The following GUCY1A2 variants were observed in gnomAD, a reference collection of about 807,000 sequenced individuals.
GUCY1A2 encodes the protein guanylate cyclase 1 soluble subunit alpha 2.
GUCY1A2 carries 27 observed loss-of-function variants against 63.5 expected under a neutral mutation model. The observed-to-expected ratio is 0.43, with a 90% CI of 0.31 to 0.59. The LOEUF (loss-of-function observed/expected upper bound fraction) is 0.59. Ranked by LOEUF, GUCY1A2 falls within the 20% of genes least tolerant of loss-of-function variation. The probability of loss-of-function intolerance (pLI) is 0.11; values close to 1 mark genes in which losing one functional copy is unlikely to be tolerated. For synonymous variants in GUCY1A2, 364 were observed against 343.5 expected (o/e 1.06, Z -0.66); for missense variants, 768 against 913.3 (o/e 0.84, Z 2.05).
intron 7 of GUCY1A2, among the ~76,000 whole-genome samples, chr11:106,690,195 A>G (rs2135335099): frequency 6.6e-6 from 1 of 152,350 alleles, no homozygotes; most frequent in South Asian, 2.1e-4. Flanking sequence ...AATATAAATC[A>G]TTCCATTATA....
chr11:106,845,235 T>C (rs1185837318), intron 4 of GUCY1A2, among the ~76,000 whole-genome samples: 10 of 151,486 alleles, frequency 6.6e-5, no homozygotes, highest in Admixed American at 6.6e-4. Flanking sequence ...TGTTTTCTTC[T>C]TAATTAAAAT....
intron 4 of GUCY1A2, among the ~76,000 whole-genome samples, chr11:106,843,611 ATACTT>A (rs1343546760): frequency 2.6e-5 from 4 of 151,910 alleles, no homozygotes; most frequent in Non-Finnish European, 4.4e-5. Flanking sequence ...TTTCTATACT[ATACTT>A]TATTGATAAA....
At chr11:106,941,253 C>T (rs1860749047) in intron 3 of GUCY1A2, among the ~76,000 whole-genome samples, 2 of 152,122 alleles carry the variant, frequency 1.3e-5, no homozygotes, top group South Asian at 4.1e-4. Flanking sequence ...AAGAGTTCCA[C>T]CTTATAGTGC....
intron 4 of GUCY1A2, among the ~76,000 whole-genome samples, chr11:106,894,215 A>T (rs564589389): frequency 5.3e-4 from 80 of 152,330 alleles, no homozygotes; most frequent in African/African-American, 1.8e-3. Context: ...GAGGGTCATT[A>T]CATAATGATA....
chr11:106,793,517 A>C (rs1864699696), intron 5 of GUCY1A2, among the ~76,000 whole-genome samples: 1 of 152,098 alleles, frequency 6.6e-6, no homozygotes, highest in Admixed American at 6.6e-5. Flanking sequence ...TCAGACTAAA[A>C]ATATTCTGCA....
intron 5 of GUCY1A2, among the ~76,000 whole-genome samples, chr11:106,800,149 A>T (rs1864847204): frequency 6.6e-6 from 1 of 152,332 alleles, no homozygotes; most frequent in Admixed American, 6.5e-5. Flanking sequence ...GCTTATCATC[A>T]CTGGCCATCA....
At chr11:106,918,465 C>A (rs1353443209) in intron 4 of GUCY1A2, among the ~76,000 whole-genome samples, 1 of 145,246 alleles carries the variant, frequency 6.9e-6, no homozygotes, top group Non-Finnish European at 1.5e-5. Context: ...AAGGAGACAA[C>A]AGAACTCAAA....
At chr11:106,910,979 A>T (rs1860285959) in intron 4 of GUCY1A2, among the ~76,000 whole-genome samples, 1 of 152,030 alleles carries the variant, frequency 6.6e-6, no homozygotes, top group Non-Finnish European at 1.5e-5. Flanking sequence ...ATGAAAACTA[A>T]CATTTCCTCC....
chr11:106,941,399 G>A (rs1435664382), intron 3 of GUCY1A2, among the ~76,000 whole-genome samples: 1 of 152,256 alleles, frequency 6.6e-6, no homozygotes, highest in Non-Finnish European at 1.5e-5. Context: ...TGCCAAAGAG[G>A]ACTATAACAC....
chr11:106,711,509 T>C (rs1392152989), intron 6 of GUCY1A2, among the ~76,000 whole-genome samples: 1 of 152,184 alleles, frequency 6.6e-6, no homozygotes, highest in Non-Finnish European at 1.5e-5. Flanking sequence ...GGCTGCTCTA[T>C]TCCCCTCAGT....
chr11:106,736,036 C>G (rs189930818), intron 6 of GUCY1A2, among the ~76,000 whole-genome samples: 1 of 152,080 alleles, frequency 6.6e-6, no homozygotes, highest in East Asian at 1.9e-4. Context: ...TTTTTAATCC[C>G]TTGTCAGATA....
intron 3 of GUCY1A2, among the ~76,000 whole-genome samples, chr11:106,971,219 ATGTGTGTGTGTG>A (rs67190015): frequency 1.3e-5 from 2 of 149,162 alleles, no homozygotes; most frequent in Non-Finnish European, 3.0e-5. Flanking sequence ...ACAAATTTAA[ATGTGTGTGTGTG>A]TGTGTGTGTG....
At chr11:106,866,217 T>C (rs1252323589) in intron 4 of GUCY1A2, among the ~76,000 whole-genome samples, 1 of 151,616 alleles carries the variant, frequency 6.6e-6, no homozygotes, top group Admixed American at 6.6e-5. Flanking sequence ...AATTGGATTA[T>C]CTCTAATTTA....
intron 4 of GUCY1A2, among the ~76,000 whole-genome samples, chr11:106,929,371 A>G (rs984103593): frequency 3.3e-5 from 5 of 152,290 alleles, no homozygotes; most frequent in South Asian, 2.1e-4. Flanking sequence ...TACTTTATTG[A>G]GTTGAATTTT....
At chr11:106,726,816 G>C (rs1863416687) in intron 6 of GUCY1A2, among the ~76,000 whole-genome samples, 1 of 152,188 alleles carries the variant, frequency 6.6e-6, no homozygotes, top group South Asian at 2.1e-4. Flanking sequence ...GTGAGATAAA[G>C]GTGGTGGCAG....
chr11:106,937,997 G>C, intron 4 of GUCY1A2, among the ~76,000 whole-genome samples: 1 of 152,214 alleles, frequency 6.6e-6, no homozygotes, highest in Non-Finnish European at 1.5e-5. Context: ...GAGTGCAGTG[G>C]CATGATCTCA....
At chr11:106,781,207 A>T (rs1303977830) in intron 5 of GUCY1A2, among the ~76,000 whole-genome samples, 2 of 152,084 alleles carry the variant, frequency 1.3e-5, no homozygotes, top group Non-Finnish European at 2.9e-5. Flanking sequence ...TAGTTTAAAT[A>T]CAACAGACAC....
At chr11:106,874,619 AAAG>A (rs1859724756) in intron 4 of GUCY1A2, among the ~76,000 whole-genome samples, 1 of 152,100 alleles carries the variant, frequency 6.6e-6, no homozygotes, top group African/African-American at 2.4e-5. Context: ...TTTCTTTTCC[AAAG>A]AAGAATGCCG....
chr11:106,922,868 A>G (rs1300152390), intron 4 of GUCY1A2, among the ~76,000 whole-genome samples: 1 of 151,826 alleles, frequency 6.6e-6, no homozygotes, highest in Non-Finnish European at 1.5e-5. Flanking sequence ...ATGGTCTTGA[A>G]CTGAACCCTG....
Sources: gnomAD v4.1 joint callset for allele counts (sites outside exome capture counted in the v4.1 genomes callset) on GRCh38, gnomAD v4.1.1 for gene constraint, MANE v1.5 for transcripts, NCBI Gene and HGNC (gene_info 2026-07-23, HGNC 2026-07-21) for gene names.